The following GFRA2 variants were observed in gnomAD, a reference collection of about 807,000 sequenced individuals.
The protein encoded by GFRA2 is GDNF family receptor alpha 2.
GFRA2 carries 17 observed loss-of-function variants against 48.3 expected under a neutral mutation model. The ratio of observed to expected loss-of-function variants is 0.35; its 90% confidence interval spans 0.24 to 0.53. The LOEUF (loss-of-function observed/expected upper bound fraction) is 0.53, where lower values mean the gene tolerates loss of function less well. GFRA2 is among the 20% of genes least tolerant of loss of function. The pLI is 0.93. For missense variants in GFRA2, 660 were observed against 637.3 expected (o/e 1.04, Z -0.38); for synonymous variants, 305 against 257.2 (o/e 1.19, Z -1.78).
At chr8:21,780,967 T>C (rs1432056279) in intron 2 of GFRA2, 1 of 151,796 alleles carries the variant, frequency 6.6e-6, no homozygotes, top group Non-Finnish European at 1.5e-5. Flanking sequence ...ACCAAAAAAA[T>C]ATTTAAAAAT....
At chr8:21,797,943 G>A (rs1194192505) in intron 2 of GFRA2, among the ~76,000 whole-genome samples, 1 of 152,128 alleles carries the variant, frequency 6.6e-6, no homozygotes, top group African/African-American at 2.4e-5. Flanking sequence ...AACAACAGCA[G>A]GCTGCTCCTT....
intron 4 of GFRA2, among the ~76,000 whole-genome samples, chr8:21,732,081 G>A (rs923489217): frequency 6.6e-6 from 1 of 152,252 alleles, no homozygotes; most frequent in Non-Finnish European, 1.5e-5. Flanking sequence ...AGGGGCGAGT[G>A]AACATGCCAG....
chr8:21,693,671 C>A (rs1801984741), intron 8 of GFRA2, among the ~76,000 whole-genome samples: 1 of 123,062 alleles, frequency 8.1e-6, no homozygotes. Context: ...ACCAGGATAA[C>A]AGGCTACTCC....
At chr8:21,774,781 G>C (rs1806612425) in intron 3 of GFRA2, among the ~76,000 whole-genome samples, 191 bp downstream of exon 3, 1 of 152,180 alleles carries the variant, frequency 6.6e-6, no homozygotes, top group Non-Finnish European at 1.5e-5. Context: ...TTGCTCCATA[G>C]AAGCACCCAG....
At chr8:21,759,439 AGGG>A in intron 3 of GFRA2, among the ~76,000 whole-genome samples, 1 of 74,716 alleles carries the variant, frequency 1.3e-5, no homozygotes, top group Non-Finnish European at 2.4e-5. Context: ...GGAAAGAGGG[AGGG>A]AGAGAGGGAG....
rs921177162 is a variant in GFRA2, at chr8:21,799,971, C to A, written c.-36+5046G>T. The stretch of plus-strand genomic sequence containing the variant: ...AGTCAGAGCCTCTGTACCTCTGGCC[C>A]CCTGGTGTTCCCATTGCATGGTGCA... On this transcript the variant is annotated intron_variant, in intron 2 of 10. Transcript: ENST00000517328. Among the ~76,000 whole-genome samples the A allele has an allele frequency of 3.2e-3, 486 of 152,302 alleles. 3 individuals are homozygous for A. The highest frequency in any genetic ancestry group is 0.011 in the African/African-American group (468 of 41,554).
intron 6 of GFRA2, among the ~76,000 whole-genome samples, chr8:21,704,658 G>A (rs1802651785): frequency 6.6e-6 from 1 of 152,166 alleles, no homozygotes; most frequent in South Asian, 2.1e-4. Context: ...CTCGTTAAAG[G>A]GAGACATGAC....
rs150259658 is a variant in GFRA2 at position 21,759,613 on chromosome 8, G to C, written c.440-8671C>G. On this transcript the variant is annotated intron_variant, in intron 3 of 8. Transcript: ENST00000524240. ...AATTTAAAAAAGAATGACCAGCTGG[G>C]TGCAGTGCTTCACACCTGTAACCCC... Among the ~76,000 whole-genome samples, 1,209 of 151,814 alleles carry C rather than the reference G, an allele frequency of 8.0e-3. 7 individuals are homozygous for C. The highest frequency in any genetic ancestry group is 0.014 in the Non-Finnish European group (919 of 67,902).
At chr8:21,800,446 T>C (rs1807749929) in intron 2 of GFRA2, among the ~76,000 whole-genome samples, 1 of 152,250 alleles carries the variant, frequency 6.6e-6, no homozygotes, top group Non-Finnish European at 1.5e-5. Context: ...CTGGATGCAA[T>C]GCGTTAGGCA....
intron 4 of GFRA2, among the ~76,000 whole-genome samples, chr8:21,744,550 A>AAC (rs71721911): frequency 0.1 from 14,455 of 140,052 alleles, 784 homozygotes; most frequent in East Asian, 0.14. Flanking sequence ...AACCACCACC[A>AAC]ACACACACAC....
At chr8:21,732,820 C>G (rs1253804652) in intron 4 of GFRA2, among the ~76,000 whole-genome samples, 2 of 152,210 alleles carry the variant, frequency 1.3e-5, no homozygotes, top group African/African-American at 4.8e-5. Flanking sequence ...AAGAATAGCT[C>G]TGAAAGGGAA....
upstream of GFRA2, among the ~76,000 whole-genome samples, chr8:21,792,499 G>C (rs1807590062): frequency 6.6e-6 from 1 of 152,222 alleles, no homozygotes; most frequent in African/African-American, 2.4e-5. Context: ...GGCCCCAGCA[G>C]GGCCAACGGC....
intron 3 of GFRA2, among the ~76,000 whole-genome samples, chr8:21,767,958 C>CAG (rs71251953): frequency 1.3e-4 from 20 of 148,416 alleles, no homozygotes; most frequent in Admixed American, 6.6e-4. Flanking sequence ...CTGGCGTTGA[C>CAG]AGAGAGAGAG....
At chr8:21,772,613 C>T (rs976249893) in intron 3 of GFRA2, among the ~76,000 whole-genome samples, 1 of 152,134 alleles carries the variant, frequency 6.6e-6, no homozygotes, top group African/African-American at 2.4e-5. Context: ...GAGGAGGGAC[C>T]GGCACAGTCC....
intron 4 of GFRA2, among the ~76,000 whole-genome samples, chr8:21,748,007 C>A (rs79300364): frequency 6.6e-6 from 1 of 152,034 alleles, no homozygotes; most frequent in Non-Finnish European, 1.5e-5. Flanking sequence ...CTCCACCGTT[C>A]GCTCCAAGCC....
At chr8:21,754,505 CTT>C (rs59344047) in intron 3 of GFRA2, among the ~76,000 whole-genome samples, 6 of 121,222 alleles carry the variant, frequency 4.9e-5, no homozygotes, top group African/African-American at 6.4e-5. Flanking sequence ...CTTTTTTTTT[CTT>C]TTTTTTTTTT....
At chr8:21,763,785 A>G (rs1806021865) in intron 3 of GFRA2, among the ~76,000 whole-genome samples, 1 of 150,926 alleles carries the variant, frequency 6.6e-6, no homozygotes, top group African/African-American at 2.4e-5. Context: ...CCTGTCCTCA[A>G]TTCCTCCCTA....
chr8:21,792,118 C>G (rs768811714), upstream of GFRA2, among the ~76,000 whole-genome samples: 10 of 152,222 alleles, frequency 6.6e-5, no homozygotes, highest in Non-Finnish European at 1.2e-4. Flanking sequence ...CATTCCTTCC[C>G]TTTCTCTTAT....
chr8:21,742,987 G>C (rs1804827703), intron 4 of GFRA2, among the ~76,000 whole-genome samples: 1 of 152,210 alleles, frequency 6.6e-6, no homozygotes, highest in Non-Finnish European at 1.5e-5. Context: ...GTAAACTAGA[G>C]CTCTGATTTG....
Sources: gnomAD v4.1 joint callset for allele counts (sites outside exome capture counted in the v4.1 genomes callset) on GRCh38, gnomAD v4.1.1 for gene constraint, MANE v1.5 for transcripts, NCBI Gene and HGNC (gene_info 2026-07-23, HGNC 2026-07-21) for gene names.